The following HS6ST3 variants were observed in gnomAD, a reference collection of about 807,000 sequenced individuals.
HS6ST3 encodes the protein heparan-sulfate 6-O-sulfotransferase 3.
Under a neutral mutation model 36.7 loss-of-function variants are expected in HS6ST3, and 12 were observed. The ratio of observed to expected loss-of-function variants is 0.33; its 90% CI spans 0.21 to 0.53. The LOEUF is 0.53. HS6ST3 is among the 20% of genes least tolerant of loss of function. The pLI, the probability that HS6ST3 is intolerant of heterozygous loss-of-function variation, is 0.95. For missense variants in HS6ST3, 584 were observed against 640.9 expected, an observed-to-expected ratio of 0.91 and a Z score of 0.96; for synonymous variants, 240 against 257.5, an observed-to-expected ratio of 0.93 and a Z score of 0.65.
chr13:96,611,232 C>T (rs950559332), intron 1 of HS6ST3, among the ~76,000 whole-genome samples: 1 of 151,204 alleles, frequency 6.6e-6, no homozygotes, highest in Non-Finnish European at 1.5e-5. Flanking sequence ...TGCGCTGCAC[C>T]CACTAACTCG....
intron 1 of HS6ST3, among the ~76,000 whole-genome samples, chr13:96,328,129 G>A (rs1594754436): frequency 7.0e-6 from 1 of 142,452 alleles, no homozygotes; most frequent in Non-Finnish European, 1.5e-5. Flanking sequence ...TCTGCAAACA[G>A]GGACAATTTG....
chr13:96,573,098 C>G (rs887400983), intron 1 of HS6ST3, among the ~76,000 whole-genome samples: 1 of 152,164 alleles, frequency 6.6e-6, no homozygotes. Flanking sequence ...CCCATTTCTA[C>G]TAACGACTAG....
At chr13:96,373,352 A>C (rs1017508128) in intron 1 of HS6ST3, among the ~76,000 whole-genome samples, 3 of 152,146 alleles carry the variant, frequency 2.0e-5, no homozygotes, top group African/African-American at 4.8e-5. Context: ...GAAGTACATG[A>C]TCTTTAAATA....
chr13:96,582,900 T>C (rs1444748313), intron 1 of HS6ST3, among the ~76,000 whole-genome samples: 1 of 152,180 alleles, frequency 6.6e-6, no homozygotes, highest in Non-Finnish European at 1.5e-5. Context: ...AAATAATTTT[T>C]TTGTATAAGT....
intron 1 of HS6ST3, among the ~76,000 whole-genome samples, chr13:96,681,338 CT>C (rs1047052652): frequency 2.6e-5 from 4 of 152,136 alleles, no homozygotes; most frequent in African/African-American, 9.7e-5. Flanking sequence ...CATTCAAATG[CT>C]TGTCAATACC....
chr13:96,440,955 C>G (rs2055668075), intron 1 of HS6ST3, among the ~76,000 whole-genome samples: 2 of 152,172 alleles, frequency 1.3e-5, no homozygotes, highest in Admixed American at 1.3e-4. Context: ...TGTTGAAACC[C>G]TAACCCCATG....
chr13:96,449,047 G>A (rs975918499), intron 1 of HS6ST3, among the ~76,000 whole-genome samples: 6 of 151,926 alleles, frequency 3.9e-5, no homozygotes, highest in African/African-American at 9.7e-5. Context: ...CTGCTGCCTC[G>A]ACTTCCTGGG....
chr13:96,332,192 A>G (rs2055074513), intron 1 of HS6ST3, among the ~76,000 whole-genome samples: 2 of 152,148 alleles, frequency 1.3e-5, no homozygotes. Flanking sequence ...CTATTCGGCC[A>G]TCTTGGCTCC....
At chr13:96,594,338 C>A (rs1246609922) in intron 1 of HS6ST3, among the ~76,000 whole-genome samples, 1 of 151,968 alleles carries the variant, frequency 6.6e-6, no homozygotes, top group Non-Finnish European at 1.5e-5. Flanking sequence ...TGAGGACTTA[C>A]TACTGCCATT....
chr13:96,814,983 A>C (rs1033665936), intron 1 of HS6ST3, among the ~76,000 whole-genome samples: 1 of 152,202 alleles, frequency 6.6e-6, no homozygotes, highest in Non-Finnish European at 1.5e-5. Context: ...TAATGTGTGC[A>C]GCTAGTGCCG....
At chr13:96,567,747 G>C (rs772433917) in intron 1 of HS6ST3, among the ~76,000 whole-genome samples, 2 of 152,164 alleles carry the variant, frequency 1.3e-5, no homozygotes, top group Non-Finnish European at 2.9e-5. Flanking sequence ...TATCTAACAT[G>C]TATGAAACAC....
intron 1 of HS6ST3, among the ~76,000 whole-genome samples, chr13:96,122,855 A>G (rs2053932800): frequency 6.6e-6 from 1 of 152,192 alleles, no homozygotes. Flanking sequence ...GAGAAATACA[A>G]GGACAAGCAC....
At chr13:96,674,707 T>C (rs932051139) in intron 1 of HS6ST3, among the ~76,000 whole-genome samples, 3 of 152,166 alleles carry the variant, frequency 2.0e-5, no homozygotes, top group Non-Finnish European at 4.4e-5. Context: ...TGGAGACACA[T>C]GGAACCTCCA....
At chr13:96,269,851 T>G (rs1356060119) in intron 1 of HS6ST3, among the ~76,000 whole-genome samples, 1 of 151,970 alleles carries the variant, frequency 6.6e-6, no homozygotes, top group Non-Finnish European at 1.5e-5. Flanking sequence ...AATGTAGCTA[T>G]GTTAGATTTT....
intron 1 of HS6ST3, among the ~76,000 whole-genome samples, chr13:96,485,391 A>G (rs1338138643): frequency 6.6e-6 from 1 of 152,078 alleles, no homozygotes; most frequent in African/African-American, 2.4e-5. Flanking sequence ...CACTTGTTCC[A>G]TGCTGGTGTT....
At chr13:96,796,551 A>G (rs150404283) in intron 1 of HS6ST3, among the ~76,000 whole-genome samples, 51 of 152,230 alleles carry the variant, frequency 3.4e-4, no homozygotes, top group African/African-American at 1.2e-3. Flanking sequence ...AGAAAATTTA[A>G]TACAGTGAAA....
At chr13:96,280,651 A>C (rs980314122) in intron 1 of HS6ST3, among the ~76,000 whole-genome samples, 3 of 152,230 alleles carry the variant, frequency 2.0e-5, no homozygotes, top group African/African-American at 7.2e-5. Flanking sequence ...GCTACATAAC[A>C]CAAAACCTGC....
intron 1 of HS6ST3, among the ~76,000 whole-genome samples, chr13:96,529,844 G>A (rs2056128655): frequency 6.6e-6 from 1 of 152,050 alleles, no homozygotes; most frequent in Non-Finnish European, 1.5e-5. Flanking sequence ...TTATACAAGA[G>A]CAAACTGTCT....
chr13:96,600,544 G>C (rs2056417718), intron 1 of HS6ST3, among the ~76,000 whole-genome samples: 1 of 151,882 alleles, frequency 6.6e-6, no homozygotes, highest in Admixed American at 6.6e-5. Flanking sequence ...TTTTGACCTT[G>C]AGTTTATATG....
Sources: gnomAD v4.1 joint callset for allele counts (sites outside exome capture counted in the v4.1 genomes callset) on GRCh38, gnomAD v4.1.1 for gene constraint, MANE v1.5 for transcripts, NCBI Gene and HGNC (gene_info 2026-07-23, HGNC 2026-07-21) for gene names.